CKAP5: variants seen among roughly 807,000 people sequenced by gnomAD.
The protein encoded by CKAP5 is cytoskeleton-associated protein 5.
Under a neutral mutation model 232.8 loss-of-function variants are expected in CKAP5, and 27 were observed. The ratio of observed to expected loss-of-function variants is 0.12; its 90% CI spans 0.09 to 0.16. CKAP5 has a LOEUF of 0.16. Ranked by LOEUF, CKAP5 falls within the 10% of genes least tolerant of loss-of-function variation. The probability of loss-of-function intolerance (pLI) is 1.00; values close to 1 mark genes in which losing one functional copy is unlikely to be tolerated. For missense variants in CKAP5, 1,838 were observed against 2,424.7 expected (o/e 0.76, Z 5.08); for synonymous variants, 785 against 841.1 (o/e 0.93, Z 1.16).
At chr11:46,805,916 A>T (rs1333057926) in intron 8 of CKAP5, among the ~76,000 whole-genome samples, 1 of 152,244 alleles carries the variant, frequency 6.6e-6, no homozygotes, top group Non-Finnish European at 1.5e-5. Flanking sequence ...CAGCCTGGGC[A>T]ACAATAACGA....
At chr11:46,827,330 C>T (rs1939679918) in intron 1 of CKAP5, among the ~76,000 whole-genome samples, 1 of 152,166 alleles carries the variant, frequency 6.6e-6, no homozygotes, top group African/African-American at 2.4e-5. Flanking sequence ...TACAATGCTC[C>T]ACCTCACCTT....
rs564618568 is a variant in CKAP5, at chr11:46,809,602, G to A, written c.764-102C>T. 2.4e-5 allele frequency: 32 copies of A among 1,312,672 alleles called. No homozygotes were observed. The Admixed American group carries it at 3.4e-4, about 14-fold the overall frequency. 81.3% of individuals were successfully genotyped at this position (1,312,672 alleles called of 1,614,324 possible). On this transcript the variant is annotated intron_variant, in intron 6 of 43. Coordinates refer to ENST00000529230, the MANE Select transcript of CKAP5 (RefSeq NM_001008938.4). ...CCCTGATGAAATTTTAATAGAGAAG[G>A]GACCAGAGTTATTAAAGCTACATGC...
Position 46,818,451 on chromosome 11 carries a change from T to C in CKAP5, c.110A>G (p.Lys37Arg). 1 of 1,608,228 alleles carries C rather than the reference T, an allele frequency of 6.2e-7. No individual in the cohort carries two copies. ...GYEEALKIFQ[K>R]IKDEKSPEWS... ...CTCTGGGCTCTTTTCATCCTTTATTTTCTGGAAGATCTTCAGGGCCTCTTC... is the reference window on the plus strand; with the variant it reads ...CTCTGGGCTCTTTTCATCCTTTATTCTCTGGAAGATCTTCAGGGCCTCTTC... The change falls in exon 3 of 44, where the codon AAA becomes AGA. Residue 37 changes from lysine (K) to arginine (R), a missense_variant. This residue lies in a region of CKAP5 where 285 missense variants were observed against 300.0 expected (regional missense o/e 0.95). Coordinates refer to ENST00000529230, the MANE Select transcript of CKAP5 (RefSeq NM_001008938.4).
chr11:46,780,152 C>T (rs1422888143), intron 20 of CKAP5, 42 bp downstream of exon 20: 1 of 1,609,426 alleles, frequency 6.2e-7, no homozygotes, highest in Admixed American at 1.7e-5. Flanking sequence ...TAATGAGATT[C>T]TCAAGTCCAC....
At chr11:46,774,667 G>A (rs965739685) in intron 24 of CKAP5, among the ~76,000 whole-genome samples, 6 of 152,036 alleles carry the variant, frequency 3.9e-5, no homozygotes, top group African/African-American at 1.4e-4. Flanking sequence ...CAGAACAGAG[G>A]CCTCAGAAAT....
At chr11:46,842,038 G>C (rs1021723495) in intron 1 of CKAP5, among the ~76,000 whole-genome samples, 2 of 149,212 alleles carry the variant, frequency 1.3e-5, no homozygotes, top group African/African-American at 4.9e-5. Flanking sequence ...TAAATCCCTT[G>C]GTTATTGTTA....
In CKAP5 at chr11:46,753,481, C is replaced by A. The variant is rs1365079663; in HGVS notation, c.4886G>T (p.Ser1629Ile). ...TCCAGTGGAGGCCTCCCGGGCAAGGCTCTCTATCTGAAACAGCTATCCAGA... is the reference window on the plus strand; with the variant it reads ...TCCAGTGGAGGCCTCCCGGGCAAGGATCTCTATCTGAAACAGCTATCCAGA... ...GNMISLFQIE[S>I]LAREASTGVL... is the part of the protein sequence containing the mutation. The change falls in exon 37 of 44, where the codon AGC becomes ATC. Residue 1629 changes from serine (S) to isoleucine (I), a missense_variant. Transcript: ENST00000529230. 2.5e-6 allele frequency: 4 copies of A among 1,611,326 alleles called. No individual in the cohort carries two copies. The highest frequency in any genetic ancestry group is 2.5e-6 in the Non-Finnish European group (3 of 1,178,956).
intron 35 of CKAP5, among the ~76,000 whole-genome samples, chr11:46,756,754 ATTTTTTT>A (rs59822318): frequency 3.1e-5 from 4 of 128,070 alleles, no homozygotes; most frequent in African/African-American, 1.3e-4. Flanking sequence ...TGGACCTTGA[ATTTTTTT>A]TTTTTTTTTT....
intron 8 of CKAP5, among the ~76,000 whole-genome samples, chr11:46,805,705 G>A (rs910017219): frequency 1.3e-5 from 2 of 152,200 alleles, no homozygotes; most frequent in Non-Finnish European, 2.9e-5. Context: ...GGAGGCCAAG[G>A]AGGGTAGATC....
At chr11:46,810,531 G>A (rs1259204780) in intron 5 of CKAP5, among the ~76,000 whole-genome samples, 7 of 152,034 alleles carry the variant, frequency 4.6e-5, no homozygotes, top group African/African-American at 9.6e-5. Context: ...GACTGGTCTC[G>A]AACTCCTAGG....
chr11:46,843,767 G>GACAGAAC (rs1940115552), intron 1 of CKAP5, among the ~76,000 whole-genome samples: 2 of 150,556 alleles, frequency 1.3e-5, no homozygotes, highest in Non-Finnish European at 3.0e-5. Flanking sequence ...ACACAAAGAT[G>GACAGAAC]TAAGTGTTGA....
chr11:46,768,852 T>C (rs182106148), intron 26 of CKAP5, among the ~76,000 whole-genome samples: 2 of 152,320 alleles, frequency 1.3e-5, no homozygotes, highest in Admixed American at 1.3e-4. Context: ...TTCAAGAATA[T>C]TGTTTTGTTT....
intron 26 of CKAP5, among the ~76,000 whole-genome samples, chr11:46,769,148 G>A (rs922250268): frequency 6.6e-6 from 1 of 152,122 alleles, no homozygotes; most frequent in Non-Finnish European, 1.5e-5. Flanking sequence ...TCAAACTCCT[G>A]ACTTCAATGA....
At chr11:46,823,340 T>C (rs1939586288) in intron 1 of CKAP5, among the ~76,000 whole-genome samples, 1 of 152,140 alleles carries the variant, frequency 6.6e-6, no homozygotes, top group Non-Finnish European at 1.5e-5. Context: ...AGTATTAAAA[T>C]ACAATTTTAC....
chr11:46,752,189 TATATACAC>T (rs1467657499), intron 38 of CKAP5, among the ~76,000 whole-genome samples: 10 of 64,368 alleles, frequency 1.6e-4, no homozygotes, highest in South Asian at 5.4e-4. Flanking sequence ...TATATATATA[TATATACAC>T]ACACACACAC....
chr11:46,828,686 C>T (rs905348597), intron 1 of CKAP5, among the ~76,000 whole-genome samples: 1 of 152,098 alleles, frequency 6.6e-6, no homozygotes, highest in South Asian at 2.1e-4. Flanking sequence ...ATGGATAATA[C>T]CCTGTGCTGT....
chr11:46,818,379 T>A lies in CKAP5; in HGVS notation c.182A>T (p.Asn61Ile), dbSNP rs745667001. Residue 61 changes from asparagine to isoleucine, a missense_variant, in exon 3 of 44, where the codon AAT (asparagine) becomes ATT (isoleucine). Transcript: ENST00000529230. ...GLIKKFVTDS[N>I]AVVQLKGLEA... ...TAATCCTTTCAATTGAACCACTGCA[T>A]TGGAATCAGTGACAAATTTTTTGAT... The A allele has an allele frequency of 1.2e-6, 2 of 1,612,472 alleles. No homozygotes were observed. Among genetic ancestry groups the A allele is most frequent in the East Asian group, 2.2e-5 (1 of 44,750 alleles).
At position 46,838,617 on chromosome 11, in the gene CKAP5, CAAAAAAAAAAAAA is replaced by C. The variant is rs56117525; in HGVS notation, c.-38+7590_-38+7602del. Among the ~76,000 whole-genome samples, 33 of 45,038 alleles carry C rather than the reference CAAAAAAAAAAAAA, an allele frequency of 7.3e-4. No homozygotes were observed. The Admixed American group carries it at 8.2e-3, about 11-fold the overall frequency. 29.5% of individuals were successfully genotyped at this position (45,038 alleles called of 152,430 possible). A position where few individuals can be genotyped will look rare whatever the true frequency, so the allele number is the denominator to read the frequency against. On this transcript the variant is annotated intron_variant, in intron 1 of 43. Coordinates refer to ENST00000529230, the MANE Select transcript of CKAP5 (RefSeq NM_001008938.4). ...GCAACATAGTAATACCTTGCCTCTT[CAAAAAAAAAAAAA>C]AAAAAAAAAAAAAAAATTAGCCGGG...
chr11:46,793,854 G>C (rs552878099), intron 13 of CKAP5, among the ~76,000 whole-genome samples: 6 of 152,134 alleles, frequency 3.9e-5, no homozygotes, highest in Non-Finnish European at 7.4e-5. Flanking sequence ...TTGAACCTAG[G>C]GGGTGGAGGT....
Sources: allele counts gnomAD v4.1 joint callset (sites outside exome capture counted in the v4.1 genomes callset), GRCh38; gene constraint gnomAD v4.1.1; regional missense constraint gnomAD v4.1.1; transcripts MANE v1.5; gene names NCBI Gene and HGNC (gene_info 2026-07-23, HGNC 2026-07-21).